The following CHD1 variants were observed in gnomAD, a reference collection of about 807,000 sequenced individuals.
CHD1 encodes the protein ATP-dependent chromatin remodeler CHD1.
A neutral mutation model predicts 224.2 loss-of-function variants in CHD1; 36 were observed. The ratio of observed to expected loss-of-function variants is 0.16; its 90% CI spans 0.12 to 0.21. The LOEUF is 0.21. Ranked by LOEUF, CHD1 falls within the 10% of genes least tolerant of loss-of-function variation. The pLI is 1.00. For missense variants in CHD1, 1,378 were observed against 1,994.8 expected, an observed-to-expected ratio of 0.69 and a Z score of 5.89; for synonymous variants, 668 against 658.3, an observed-to-expected ratio of 1.01 and a Z score of -0.23.
chr5:98,866,971 T>C (rs563805365), intron 31 of CHD1, among the ~76,000 whole-genome samples: 48 of 152,250 alleles, frequency 3.2e-4, no homozygotes, highest in African/African-American at 1.1e-3. Context: ...CAATCACTTA[T>C]CGATTTCTGA....
rs750505760 is a variant in CHD1 at position 98,858,922 on chromosome 5, A to AT, written c.4576+41dup. The AT allele has an allele frequency of 2.3e-5, 32 of 1,399,836 alleles. No homozygotes were observed. In the Middle Eastern group the frequency reaches 9.5e-4, roughly 42 times the overall value. 86.7% of individuals were successfully genotyped at this position (1,399,836 alleles called of 1,614,324 possible). A position where few individuals can be genotyped will look rare whatever the true frequency, so the allele number is the denominator to read the frequency against. ...TATTTAAAACAAAAATTTAAAAAAA[A>AT]TTTTTTTTAATTTATTTTCCCAATC... On this transcript the variant is annotated intron_variant, in intron 34 of 35. Transcript: ENST00000614616.
At chr5:98,883,030 CAAAA>C in intron 19 of CHD1, 54 bp downstream of exon 19, 2 of 845,134 alleles carry the variant, frequency 2.4e-6, no homozygotes, top group Non-Finnish European at 1.6e-6. Flanking sequence ...AAATCACTTC[CAAAA>C]AAAAAAAAAG....
At chr5:98,857,068 T>C (rs1236368885) in intron 35 of CHD1, among the ~76,000 whole-genome samples, 2 of 152,104 alleles carry the variant, frequency 1.3e-5, no homozygotes, top group African/African-American at 2.4e-5. Context: ...ATTACAACTA[T>C]CTGAAATACT....
chr5:98,887,638 A>G (rs1298604769), intron 17 of CHD1, among the ~76,000 whole-genome samples: 1 of 152,120 alleles, frequency 6.6e-6, no homozygotes, highest in African/African-American at 2.4e-5. Context: ...TTTCTTCTGT[A>G]AAGTTGTCTA....
At chr5:98,884,230 C>T (rs573237510) in intron 18 of CHD1, among the ~76,000 whole-genome samples, 9 of 151,954 alleles carry the variant, frequency 5.9e-5, no homozygotes, top group South Asian at 4.2e-4. Context: ...CCCGCCACTA[C>T]GCCCAGCTAA....
intron 30 of CHD1, 137 bp downstream of exon 30, chr5:98,869,617 C>T (rs1749165353): frequency 9.3e-6 from 7 of 753,542 alleles, no homozygotes; most frequent in East Asian, 2.8e-5. Flanking sequence ...TGCGCACGTG[C>T]GCGCGCACAC....
At chr5:98,893,244 T>C (rs1751135042) in intron 14 of CHD1, among the ~76,000 whole-genome samples, 172 bp downstream of exon 14, 1 of 152,166 alleles carries the variant, frequency 6.6e-6, no homozygotes, top group South Asian at 2.1e-4. Context: ...AATTGAAAAA[T>C]TCAAATAGTA....
intron 2 of CHD1, among the ~76,000 whole-genome samples, chr5:98,925,473 A>G (rs2112675583): frequency 6.6e-6 from 1 of 152,274 alleles, no homozygotes; most frequent in East Asian, 1.9e-4. Flanking sequence ...AGATTAAGTA[A>G]TTTGCCCTAA....
At position 98,872,559 on chromosome 5, in the gene CHD1, G is replaced by C; in HGVS notation, c.3572-4C>G. On this transcript the variant is annotated splice_region_variant and splice_polypyrimidine_tract_variant and intron_variant, in intron 26 of 35. Transcript: ENST00000614616. ...TTCACTTTTCCGAGTCTACCACCTTGATTTTTTTTAAAAAAACCAGTATTT... is the reference window on the plus strand; with the variant it reads ...TTCACTTTTCCGAGTCTACCACCTTCATTTTTTTTAAAAAAACCAGTATTT... 1 of 1,610,234 alleles carries C rather than the reference G, an allele frequency of 6.2e-7. No individual in the cohort carries two copies. The highest frequency in any genetic ancestry group is 8.5e-7 in the Non-Finnish European group (1 of 1,178,780).
chr5:98,868,718 A>T lies in CHD1; in HGVS notation c.4108-83T>A, dbSNP rs947075504. 6.3e-6 allele frequency: 8 copies of T among 1,277,554 alleles called. No homozygotes were observed. In the African/African-American group the frequency reaches 1.1e-4, roughly 17 times the overall value. The allele number at this position is 1,277,554 out of a possible 1,614,324, so 79.1% of individuals were successfully genotyped here. A position where few individuals can be genotyped will look rare whatever the true frequency, so the allele number is the denominator to read the frequency against. ...TGACTAACACTTCCAGAAAATAATT[A>T]CTGTCTCATTTTATTCTACAAGTGC... On this transcript the variant is annotated intron_variant, in intron 30 of 35. Coordinates refer to ENST00000614616, the MANE Select transcript of CHD1 (RefSeq NM_001270.4).
intron 18 of CHD1, among the ~76,000 whole-genome samples, chr5:98,884,595 A>C (rs1018856565): frequency 6.6e-6 from 1 of 152,174 alleles, no homozygotes; most frequent in Non-Finnish European, 1.5e-5. Context: ...AAAATCTCAC[A>C]AACCACCACT....
chr5:98,907,532 G>C (rs538421628), intron 2 of CHD1, among the ~76,000 whole-genome samples: 3 of 141,444 alleles, frequency 2.1e-5, no homozygotes, highest in Admixed American at 7.6e-5. Context: ...AGGTTGCAGT[G>C]AGCCAAGTTC....
chr5:98,889,207 T>A lies in CHD1; in HGVS notation c.2212A>T (p.Ser738Cys). Residue 738 changes from serine (S) to cysteine (C), a missense_variant, in exon 16 of 36, where the codon AGC (serine) becomes TGC (cysteine). Ser to Cys is a moderately radical substitution (Grantham distance 112, BLOSUM62 -1). Coordinates refer to ENST00000614616, the MANE Select transcript of CHD1 (RefSeq NM_001270.4). ...GAGGTACTGCCCTTGGAACCTTTGC[T>A]GAGGGCTTTGTAATTCCTAGTTAAA... Reference protein sequence around the residue: ...WILTRNYKALSKGSKGSTSGF... With the variant: ...WILTRNYKALCKGSKGSTSGF... 6.3e-7 allele frequency: 1 copy of A among 1,594,446 alleles called. No homozygotes were observed.
At position 98,856,314 on chromosome 5, in the gene CHD1, A is replaced by G; in HGVS notation, c.*66T>C. 8.6e-7 allele frequency: 1 copy of G among 1,158,722 alleles called. No individual in the cohort carries two copies. The highest frequency in any genetic ancestry group is 2.0e-4 in the Middle Eastern group (1 of 5,008). 71.8% of individuals were successfully genotyped at this position (1,158,722 alleles called of 1,614,324 possible). ...TATATCTTTCAAGTCATGTAAGGCA[A>G]TTACTGTGTTGGTTTATGATATATG... On this transcript the variant is annotated 3_prime_UTR_variant, in exon 36 of 36. Transcript: ENST00000614616.
chr5:98,893,535 G>A lies in CHD1; in HGVS notation c.1872C>T (p.Ser624=). The change falls in exon 14 of 36, where the codon TCC becomes TCT. Residue 624 remains serine (S), a synonymous_variant. Transcript: ENST00000614616. ...DEAHRLKNDD[S]LLYKTLIDFK... is the part of the protein sequence containing the mutation. ...AATCTATTAAAGTTTTATACAGAAG[G>A]GAGTCATCATTCTTTAATCGGTGTG... is the stretch of plus-strand genomic sequence containing the variant. 6.2e-7 allele frequency: 1 copy of A among 1,610,240 alleles called. No homozygotes were observed. Among genetic ancestry groups the A allele is most frequent in the Non-Finnish European group, 8.5e-7 (1 of 1,177,958 alleles).
intron 17 of CHD1, 38 bp from the exon 18 acceptor site, chr5:98,885,687 TC>T (rs1325927434): frequency 1.7e-6 from 2 of 1,144,302 alleles, no homozygotes; most frequent in African/African-American, 3.1e-5. Flanking sequence ...ATAAACAGAA[TC>T]AAAGTATTAC....
At chr5:98,887,270 T>C (rs2112440203) in intron 17 of CHD1, among the ~76,000 whole-genome samples, 1 of 152,318 alleles carries the variant, frequency 6.6e-6, no homozygotes. Flanking sequence ...CCTGTCCTTC[T>C]TCACAACACT....
rs1438160001 is a variant in CHD1 at position 98,876,254 on chromosome 5, A to G, written c.3398+144T>C. On this transcript the variant is annotated intron_variant, in intron 24 of 35. Coordinates refer to ENST00000614616, the MANE Select transcript of CHD1 (RefSeq NM_001270.4). ...TGTTCAGTTATAACAAATACCCAAA[A>G]GCAGAACCACCCAATTCCTACTCAA... 1.0e-5 allele frequency: 8 copies of G among 782,354 alleles called. No homozygotes were observed. The African/African-American group carries it at 1.0e-4, about 10-fold the overall frequency. 48.5% of individuals were successfully genotyped at this position (782,354 alleles called of 1,614,324 possible).
intron 4 of CHD1, among the ~76,000 whole-genome samples, chr5:98,903,181 C>A (rs1751834408): frequency 6.6e-6 from 1 of 152,076 alleles, no homozygotes; most frequent in Non-Finnish European, 1.5e-5. Flanking sequence ...AGCAAAATGT[C>A]AGCACTTTGT....
Sources: allele counts gnomAD v4.1 joint callset (sites outside exome capture counted in the v4.1 genomes callset), GRCh38; gene constraint gnomAD v4.1.1; transcripts MANE v1.5; gene names NCBI Gene and HGNC (gene_info 2026-07-23, HGNC 2026-07-21).